The following EPB42 variants were observed in gnomAD, a reference collection of about 807,000 sequenced individuals.
EPB42 encodes protein 4.2.
Under a neutral mutation model 76.9 loss-of-function variants are expected in EPB42, and 49 were observed. That is an observed-to-expected ratio of 0.64 (90% CI 0.51 to 0.81). EPB42 has a LOEUF of 0.81. Ranked by LOEUF, EPB42 falls within the 30% of genes least tolerant of loss-of-function variation. The pLI, the probability that EPB42 is intolerant of heterozygous loss-of-function variation, is 0.00. For missense variants in EPB42, 731 were observed against 867.6 expected (o/e 0.84, Z 1.98); for synonymous variants, 310 against 338.4 (o/e 0.92, Z 0.92).
upstream of EPB42, among the ~76,000 whole-genome samples, chr15:43,223,088 C>T (rs961313721): frequency 4.6e-5 from 7 of 152,188 alleles, no homozygotes; most frequent in South Asian, 6.2e-4. Flanking sequence ...GAGGCCGAGG[C>T]GGGTGGATCA....
At chr15:43,216,600 C>A (rs923317835) in intron 1 of EPB42, 147 bp from the exon 2 acceptor site, 2 of 777,492 alleles carry the variant, frequency 2.6e-6, no homozygotes, top group Non-Finnish European at 4.2e-6. Context: ...GTAACTTAAC[C>A]ACCCTGAGCC....
chr15:43,208,115 CT>C, intron 8 of EPB42, 114 bp downstream of exon 8: 1 of 862,992 alleles, frequency 1.2e-6, no homozygotes, highest in East Asian at 2.7e-5. Flanking sequence ...CCTCGTGCTT[CT>C]ACTGTTTTCG....
intron 1 of EPB42, 22 bp downstream of exon 1, chr15:43,220,794 G>C (rs760192268): frequency 2.5e-6 from 4 of 1,612,960 alleles, no homozygotes; most frequent in Non-Finnish European, 2.5e-6. Flanking sequence ...AGCAAGCCCT[G>C]TCGAGCGCTG....
rs529455528 is a variant in EPB42 at position 43,206,239 on chromosome 15, C to T, written c.1618+91G>A. 35 of 1,372,718 alleles carry T rather than the reference C, an allele frequency of 2.5e-5. No homozygotes were observed. Among genetic ancestry groups the T allele is most frequent in the Non-Finnish European group, 3.3e-5 (34 of 1,015,222 alleles). 85.0% of individuals were successfully genotyped at this position (1,372,718 alleles called of 1,614,324 possible). On this transcript the variant is annotated intron_variant, in intron 10 of 12. Coordinates refer to ENST00000441366, the MANE Select transcript of EPB42 (RefSeq NM_001114134.2). This position sits in a 1 kb window ranked among gnomAD's most constrained non-coding sequence, Gnocchi z 4.7. ...GGCTCAAAGCCATCTCTAGAGACTG[C>T]AGGGGGTGCCCTGTGGCTGCTGCCT... is the stretch of plus-strand genomic sequence containing the variant.
chr15:43,219,914 C>CTA (rs931308483), intron 1 of EPB42, among the ~76,000 whole-genome samples: 3 of 149,786 alleles, frequency 2.0e-5, no homozygotes, highest in African/African-American at 7.4e-5. Flanking sequence ...CCACTGAACT[C>CTA]TAGCCTGGTG....
rs183570827 is a variant in EPB42 at position 43,212,137 on chromosome 15, G to A, written c.431-603C>T. Reference sequence around the variant, plus strand: ...AATCCCAGCACTTTGGGAGGCTGAGGCGGGTGGATCACCTGAGGTCAGGAG... The same window carrying A: ...AATCCCAGCACTTTGGGAGGCTGAGACGGGTGGATCACCTGAGGTCAGGAG... On this transcript the variant is annotated intron_variant, in intron 3 of 12. Transcript: ENST00000441366. 6.7e-3 allele frequency among the ~76,000 whole-genome samples: 1,017 copies of A among 152,220 alleles called. 7 individuals carry two copies. The highest frequency in any genetic ancestry group is 0.01 in the Non-Finnish European group (710 of 67,986).
At chr15:43,221,815 AT>A (rs1475657709), upstream of EPB42, among the ~76,000 whole-genome samples, 3 of 130,892 alleles carry the variant, frequency 2.3e-5, no homozygotes, top group Non-Finnish European at 4.7e-5. Context: ...GAAGGATCTT[AT>A]TATGTAAAAA....
At chr15:43,224,080 G>C (rs986797231), upstream of EPB42, among the ~76,000 whole-genome samples, 35 of 152,224 alleles carry the variant, frequency 2.3e-4, no homozygotes, top group African/African-American at 8.4e-4. Flanking sequence ...TTAAACAACA[G>C]ATATTTATGT....
At chr15:43,224,502 T>TA (rs879928760), upstream of EPB42, among the ~76,000 whole-genome samples, 62 of 144,652 alleles carry the variant, frequency 4.3e-4, 1 homozygote, top group South Asian at 2.6e-3. Flanking sequence ...TGCTCTCACT[T>TA]AAAAAAAAAA....
upstream of EPB42, among the ~76,000 whole-genome samples, chr15:43,224,895 C>T (rs1454384087): frequency 6.6e-6 from 1 of 152,234 alleles, no homozygotes; most frequent in Non-Finnish European, 1.5e-5. Flanking sequence ...CCCACTTCAG[C>T]CTCCAGAGTA....
chr15:43,206,168 T>C lies in EPB42; in HGVS notation c.1618+162A>G, dbSNP rs757964881. On this transcript the variant is annotated intron_variant, in intron 10 of 12. Transcript: ENST00000441366. The surrounding 1 kb of genome is among the most constrained non-coding windows in gnomAD (Gnocchi z 4.7). ...TTTCCTGCTTCAGGCCCAATAAATATGTGTTGAATGAATGAATGAGAGAGA... is the reference window on the plus strand; with the variant it reads ...TTTCCTGCTTCAGGCCCAATAAATACGTGTTGAATGAATGAATGAGAGAGA... 1.5e-5 allele frequency: 11 copies of C among 722,180 alleles called. No individual in the cohort carries two copies. Among genetic ancestry groups the C allele is most frequent in the Non-Finnish European group, 2.2e-5 (10 of 460,898 alleles). 44.7% of individuals were successfully genotyped at this position (722,180 alleles called of 1,614,324 possible). A position where few individuals can be genotyped will look rare whatever the true frequency, so the allele number is the denominator to read the frequency against.
intron 2 of EPB42, 45 bp downstream of exon 2, chr15:43,216,223 C>T (rs749506107): frequency 4.4e-6 from 7 of 1,606,562 alleles, no homozygotes; most frequent in African/African-American, 1.3e-5. Context: ...GAACAGAGAA[C>T]CCCCCAGGCC....
intron 3 of EPB42, among the ~76,000 whole-genome samples, chr15:43,214,522 G>A (rs1404188109): frequency 6.6e-6 from 1 of 151,614 alleles, no homozygotes; most frequent in Non-Finnish European, 1.5e-5. Context: ...TCTGGGAAGC[G>A]GAAGCAGAAG....
intron 10 of EPB42, among the ~76,000 whole-genome samples, chr15:43,203,989 AT>A (rs988948168): frequency 1.3e-5 from 2 of 152,144 alleles, no homozygotes; most frequent in African/African-American, 4.8e-5. Context: ...AGCACTATCA[AT>A]TTTAACCCAT....
At chr15:43,198,576 A>G (rs975809572) in intron 12 of EPB42, among the ~76,000 whole-genome samples, 1 of 152,246 alleles carries the variant, frequency 6.6e-6, no homozygotes, top group Admixed American at 6.5e-5. Context: ...AAAAGTTTGG[A>G]AAATTTGCAG....
chr15:43,201,174 T>C (rs2042118880), intron 12 of EPB42, among the ~76,000 whole-genome samples: 1 of 152,128 alleles, frequency 6.6e-6, no homozygotes, highest in Admixed American at 6.6e-5. Context: ...TGCAACATTA[T>C]TTGCAGTGTC....
chr15:43,209,206 C>T, intron 6 of EPB42, 68 bp downstream of exon 6: 1 of 1,582,358 alleles, frequency 6.3e-7, no homozygotes, highest in Non-Finnish European at 8.7e-7. Context: ...TGGAGATGTC[C>T]TTCCCACATG....
In EPB42 at chr15:43,206,526, A is replaced by T. The variant is rs762022635; in HGVS notation, c.1422T>A (p.Pro474=). 1.2e-6 allele frequency: 2 copies of T among 1,614,156 alleles called. No homozygotes were observed. Among genetic ancestry groups the T allele is most frequent in the Non-Finnish European group, 1.7e-6 (2 of 1,180,014 alleles). The change falls in exon 10 of 13, where the codon CCT becomes CCA. Residue 474 remains proline (P), a synonymous_variant. Transcript: ENST00000441366. This position sits in a 1 kb window ranked among gnomAD's most constrained non-coding sequence, Gnocchi z 4.7. ...TGGGTGCTTTCAAGAGCAGGTACAG[A>T]GGACTGGCAGTCTCGAGACTGGGAG... The part of the protein sequence containing the change: ...IRPPSLETAS[P]LYLLLKAPSS...
upstream of EPB42, among the ~76,000 whole-genome samples, chr15:43,223,273 G>T (rs137976851): frequency 3.3e-5 from 5 of 152,214 alleles, no homozygotes; most frequent in East Asian, 9.7e-4. Flanking sequence ...AGCTGAAACT[G>T]GGCCACTGTG....
Sources: allele counts gnomAD v4.1 joint callset (sites outside exome capture counted in the v4.1 genomes callset), GRCh38; gene constraint gnomAD v4.1.1; non-coding constraint Gnocchi (gnomAD v3.1); transcripts MANE v1.5; gene names NCBI Gene and HGNC (gene_info 2026-07-23, HGNC 2026-07-21).